The following NME7 variants were observed in gnomAD, a reference collection of about 807,000 sequenced individuals.
NME7 encodes nucleoside diphosphate kinase 7.
A neutral mutation model predicts 49.1 loss-of-function variants in NME7; 41 were observed. That is an observed-to-expected ratio of 0.83 (90% CI 0.65 to 1.08). The LOEUF (loss-of-function observed/expected upper bound fraction) is 1.08. Among genes scored for constraint, NME7 ranks in the 50% least tolerant of loss-of-function variants. The pLI, the probability that NME7 is intolerant of heterozygous loss-of-function variation, is 0.00. For synonymous variants in NME7, 139 were observed against 150.6 expected (o/e 0.92, Z 0.56); for missense variants, 423 against 463.4 (o/e 0.91, Z 0.80).
intron 10 of NME7, among the ~76,000 whole-genome samples, chr1:169,214,892 T>G (rs1660932741): frequency 6.6e-6 from 1 of 152,234 alleles, no homozygotes; most frequent in Admixed American, 6.5e-5. Context: ...CCACCACCTG[T>G]GGACAGCAGT....
At position 169,287,294 on chromosome 1, in the gene NME7, T is replaced by C; in HGVS notation, c.754+9A>G. ...ACAAAATGTACTGAATATAGTGTAT[T>C]CAACATACCTTCACTGACAGCATGG... On this transcript the variant is annotated intron_variant, in intron 7 of 11. Coordinates refer to ENST00000367811, the MANE Select transcript of NME7 (RefSeq NM_013330.5). The C allele has an allele frequency of 6.3e-7, 1 of 1,592,136 alleles. No homozygotes were observed. Among genetic ancestry groups the C allele is most frequent in the Non-Finnish European group, 8.6e-7 (1 of 1,161,112 alleles).
chr1:169,222,932 C>G (rs1181076782), intron 10 of NME7, among the ~76,000 whole-genome samples: 9 of 152,146 alleles, frequency 5.9e-5, no homozygotes, highest in Non-Finnish European at 1.2e-4. Flanking sequence ...ACTACAGCCT[C>G]CTATATAACC....
chr1:169,216,474 C>T (rs1290244333), intron 10 of NME7, among the ~76,000 whole-genome samples: 1 of 152,236 alleles, frequency 6.6e-6, no homozygotes, highest in Non-Finnish European at 1.5e-5. Context: ...AGCATGGAAA[C>T]TCCACACCCC....
At chr1:169,344,353 C>T (rs1325725535) in intron 1 of NME7, among the ~76,000 whole-genome samples, 1 of 152,154 alleles carries the variant, frequency 6.6e-6, no homozygotes, top group African/African-American at 2.4e-5. Context: ...GTTTTATCCT[C>T]TCCGGTCTAG....
chr1:169,156,242 C>G (rs1192704766), intron 11 of NME7, among the ~76,000 whole-genome samples: 9 of 151,134 alleles, frequency 6.0e-5, no homozygotes, highest in African/African-American at 1.9e-4. Context: ...CCTGGGAGGT[C>G]GAGGTTGCAG....
chr1:169,245,681 T>C (rs1648284237), intron 7 of NME7, among the ~76,000 whole-genome samples: 1 of 152,188 alleles, frequency 6.6e-6, no homozygotes, highest in Admixed American at 6.5e-5. Context: ...CTTTAAAATT[T>C]AAATCTAGTG....
intron 4 of NME7, 118 bp downstream of exon 4, chr1:169,309,852 T>C (rs1012533351): frequency 2.4e-5 from 15 of 636,746 alleles, no homozygotes; most frequent in Non-Finnish European, 3.7e-5. Context: ...AAGTTACTAT[T>C]CTATTCTTTG....
At chr1:169,194,737 T>C (rs1660325825) in intron 10 of NME7, among the ~76,000 whole-genome samples, 1 of 152,178 alleles carries the variant, frequency 6.6e-6, no homozygotes, top group Non-Finnish European at 1.5e-5. Context: ...TTAGCTGTAA[T>C]AGAAGATGCT....
chr1:169,197,461 C>T (rs76341501), intron 10 of NME7, among the ~76,000 whole-genome samples: 1 of 151,806 alleles, frequency 6.6e-6, no homozygotes, highest in African/African-American at 2.4e-5. Context: ...AAAAATAAGA[C>T]AAAACAAGAA....
chr1:169,169,125 T>G (rs754159976), intron 11 of NME7: 10 of 450,698 alleles, frequency 2.2e-5, no homozygotes, highest in African/African-American at 8.1e-5. Context: ...AATTTGGTCT[T>G]TCAAAGTTGC....
chr1:169,141,304 C>CACTTA (rs1249213010), intron 11 of NME7, among the ~76,000 whole-genome samples: 4 of 152,118 alleles, frequency 2.6e-5, no homozygotes, highest in Non-Finnish European at 5.9e-5. Context: ...ACCTTGGAGG[C>CACTTA]ACTTAACATG....
chr1:169,214,052 T>C (rs41442344), intron 10 of NME7, among the ~76,000 whole-genome samples: 10,661 of 152,210 alleles, frequency 0.07, 1,487 homozygotes, highest in East Asian at 0.66. Context: ...ATTATACTGA[T>C]CTTGGAATTT....
In NME7 at chr1:169,212,609, T is replaced by C. The variant is rs571226352; in HGVS notation, c.990+18109A>G. On this transcript the variant is annotated intron_variant, in intron 10 of 11. Transcript: ENST00000367811. ...TTTAAAACAAATGTCCTTTTTTTTT[T>C]TTTTTTTTTTAAGTCAAGGTCTTGC... Among the ~76,000 whole-genome samples the C allele has an allele frequency of 6.3e-4, 95 of 150,558 alleles. 3 individuals carry two copies. In the South Asian group the frequency reaches 0.02, roughly 31 times the overall value.
intron 10 of NME7, among the ~76,000 whole-genome samples, chr1:169,184,581 T>A (rs897719350): frequency 1.4e-4 from 21 of 152,320 alleles, no homozygotes; most frequent in African/African-American, 5.1e-4. Context: ...TTTCCAACCA[T>A]TTCATCCATT....
At chr1:169,332,030 GAACAA>G (rs1439791586) in intron 1 of NME7, among the ~76,000 whole-genome samples, 1 of 151,874 alleles carries the variant, frequency 6.6e-6, no homozygotes, top group Non-Finnish European at 1.5e-5. Context: ...TAAGCAAAAA[GAACAA>G]AACTGAAAAA....
At position 169,269,706 on chromosome 1, in the gene NME7, C is replaced by T. The variant is rs1002822565; in HGVS notation, c.754+17597G>A. ...TGAGGACATGATAAATAAGACCTAG[C>T]GCCTACCAGTCTCATTTTAATTCTT... On this transcript the variant is annotated intron_variant, in intron 7 of 11. Coordinates refer to ENST00000367811, the MANE Select transcript of NME7 (RefSeq NM_013330.5). 6.8e-5 allele frequency among the ~76,000 whole-genome samples: 9 copies of T among 133,052 alleles called. 1 individual carries two copies. Among genetic ancestry groups the T allele is most frequent in the East Asian group, 2.0e-4 (1 of 5,022 alleles). 87.3% of individuals were successfully genotyped at this position (133,052 alleles called of 152,430 possible).
intron 9 of NME7, among the ~76,000 whole-genome samples, chr1:169,234,701 C>T (rs921652704): frequency 6.6e-6 from 1 of 151,942 alleles, no homozygotes; most frequent in African/African-American, 2.4e-5. Context: ...AAGATCTGAA[C>T]CTAGCATCTG....
At chr1:169,319,251 T>C (rs1162949759) in intron 3 of NME7, among the ~76,000 whole-genome samples, 1 of 152,136 alleles carries the variant, frequency 6.6e-6, no homozygotes, top group African/African-American at 2.4e-5. Context: ...CTGATGATAC[T>C]GCCAAATCTT....
At chr1:169,183,729 G>A (rs1486649240) in intron 10 of NME7, among the ~76,000 whole-genome samples, 1 of 152,078 alleles carries the variant, frequency 6.6e-6, no homozygotes, top group South Asian at 2.1e-4. Context: ...GTGAACCCGG[G>A]AGGTAGAACT....
Sources: allele counts gnomAD v4.1 joint callset (sites outside exome capture counted in the v4.1 genomes callset), GRCh38; gene constraint gnomAD v4.1.1; transcripts MANE v1.5; gene names NCBI Gene and HGNC (gene_info 2026-07-23, HGNC 2026-07-21).